CPEB3: variants seen among roughly 807,000 people sequenced by gnomAD.
CPEB3 encodes the protein cytoplasmic polyadenylation element-binding protein 3.
In CPEB3, 20 loss-of-function variants were observed where a neutral mutation model predicts 67.2. The ratio of observed to expected loss-of-function variants is 0.30; its 90% CI spans 0.21 to 0.43. The LOEUF is 0.43. Among genes scored for constraint, CPEB3 ranks in the 20% least tolerant of loss-of-function variants. The pLI, the probability that CPEB3 is intolerant of heterozygous loss-of-function variation, is 1.00. For synonymous variants in CPEB3, 376 were observed against 393.1 expected, an observed-to-expected ratio of 0.96 and a Z score of 0.51; for missense variants, 746 against 968.6, an observed-to-expected ratio of 0.77 and a Z score of 3.05.
chr10:92,047,479 A>G lies in CPEB3; in HGVS notation c.*4733T>C, dbSNP rs539425259. 2 of 152,348 alleles carry G rather than the reference A, an allele frequency of 1.3e-5. No homozygotes were observed. The highest frequency in any genetic ancestry group is 4.8e-5 in the African/African-American group (2 of 41,584). 9.4% of individuals were successfully genotyped at this position (152,348 alleles called of 1,614,324 possible). On this transcript the variant is annotated 3_prime_UTR_variant, in exon 10 of 10. Coordinates refer to ENST00000265997, the MANE Select transcript of CPEB3 (RefSeq NM_014912.5). The stretch of plus-strand genomic sequence containing the variant: ...GCCATTTTTGTTGCTAATATAATAG[A>G]TAAAATGAAAACTAGCAGTTATTTG...
intron 2 of CPEB3, among the ~76,000 whole-genome samples, chr10:92,235,083 T>C (rs1371110034): frequency 1.3e-5 from 2 of 152,134 alleles, no homozygotes; most frequent in Non-Finnish European, 2.9e-5. Context: ...CTCACATTAC[T>C]ACAATGGTCA....
chr10:92,160,159 C>A (rs1847401243), intron 4 of CPEB3, among the ~76,000 whole-genome samples: 1 of 152,056 alleles, frequency 6.6e-6, no homozygotes, highest in Admixed American at 6.6e-5. Context: ...GTTGGCCAGG[C>A]TGGTCTCGAA....
intron 6 of CPEB3, among the ~76,000 whole-genome samples, chr10:92,135,858 G>A (rs1047226587): frequency 3.3e-5 from 5 of 152,154 alleles, no homozygotes; most frequent in Admixed American, 3.3e-4. Context: ...CATGTCCTTT[G>A]TAGGGACATG....
chr10:92,182,208 C>T (rs2421831), intron 3 of CPEB3, among the ~76,000 whole-genome samples: 3 of 151,964 alleles, frequency 2.0e-5, no homozygotes, highest in Non-Finnish European at 4.4e-5. Flanking sequence ...CAGTATTTTG[C>T]GGAGAAAGTA....
chr10:92,253,480 A>AAAAAG (rs1368679060), intron 1 of CPEB3, among the ~76,000 whole-genome samples: 55 of 150,242 alleles, frequency 3.7e-4, no homozygotes, highest in African/African-American at 1.2e-3. Flanking sequence ...AAAAAAAAAA[A>AAAAAG]AAAAGAAAAG....
chr10:92,053,955 G>T (rs937251561), intron 9 of CPEB3, among the ~76,000 whole-genome samples: 2 of 152,172 alleles, frequency 1.3e-5, no homozygotes, highest in African/African-American at 4.8e-5. Flanking sequence ...CAAAGTACTG[G>T]GATTACAGGC....
intron 1 of CPEB3, among the ~76,000 whole-genome samples, chr10:92,262,214 C>CA (rs1458621353): frequency 6.6e-6 from 1 of 152,148 alleles, no homozygotes; most frequent in African/African-American, 2.4e-5. Flanking sequence ...ATCACGATAT[C>CA]ATCACAGTAA....
At chr10:92,110,133 C>G (rs886846427) in intron 7 of CPEB3, among the ~76,000 whole-genome samples, 3 of 152,172 alleles carry the variant, frequency 2.0e-5, no homozygotes, top group African/African-American at 7.2e-5. Flanking sequence ...AGTCAACACT[C>G]AAACTTCTAT....
At chr10:92,189,355 AAAG>A (rs1380546213) in intron 3 of CPEB3, among the ~76,000 whole-genome samples, 1 of 152,240 alleles carries the variant, frequency 6.6e-6, no homozygotes, top group Non-Finnish European at 1.5e-5. Flanking sequence ...GTCTAGTTGG[AAAG>A]AAGTCAGTAC....
At chr10:92,246,390 A>G (rs1352548053) in intron 1 of CPEB3, among the ~76,000 whole-genome samples, 1 of 152,142 alleles carries the variant, frequency 6.6e-6, no homozygotes, top group Non-Finnish European at 1.5e-5. Context: ...AATACCCTTC[A>G]TAACGTCCTT....
rs184618094 is a variant in CPEB3 at position 92,159,294 on chromosome 10, G to C, written c.1223-14209C>G. 2.8e-3 allele frequency among the ~76,000 whole-genome samples: 424 copies of C among 151,666 alleles called. 2 individuals are homozygous for C. Among genetic ancestry groups the C allele is most frequent in the Non-Finnish European group, 3.9e-3 (267 of 67,852 alleles). On this transcript the variant is annotated intron_variant, in intron 4 of 9. Coordinates refer to ENST00000265997, the MANE Select transcript of CPEB3 (RefSeq NM_014912.5). ...AATAAGTAAAAAAATAAATAAAACTGTGAAATGTCACACAACTAGCTTATA... is the reference window on the plus strand; with the variant it reads ...AATAAGTAAAAAAATAAATAAAACTCTGAAATGTCACACAACTAGCTTATA...
chr10:92,192,765 CT>C (rs1303634149), intron 2 of CPEB3, 129 bp from the exon 3 acceptor site: 5 of 582,498 alleles, frequency 8.6e-6, no homozygotes, highest in Non-Finnish European at 1.4e-5. Context: ...GCATACAGTC[CT>C]TCTTTTTATT....
chr10:92,216,644 T>C, intron 2 of CPEB3: 2 of 1,607,450 alleles, frequency 1.2e-6, no homozygotes, highest in South Asian at 1.1e-5. Flanking sequence ...AAATCTGCCC[T>C]ATGTCTATAT....
At chr10:92,105,715 G>GT (rs999673116) in intron 7 of CPEB3, among the ~76,000 whole-genome samples, 38,939 of 109,746 alleles carry the variant, frequency 0.35, 8,740 homozygotes, top group African/African-American at 0.49. Context: ...TGTTTTGTGG[G>GT]TTTTTTTTTT....
At chr10:92,088,926 A>T (rs1843494181) in intron 8 of CPEB3, among the ~76,000 whole-genome samples, 3 of 152,222 alleles carry the variant, frequency 2.0e-5, no homozygotes, top group Admixed American at 2.0e-4. Flanking sequence ...AAAGAATATA[A>T]TCTGGTCTCC....
chr10:92,168,361 C>T (rs1847841881), intron 4 of CPEB3, among the ~76,000 whole-genome samples: 1 of 152,046 alleles, frequency 6.6e-6, no homozygotes, highest in Non-Finnish European at 1.5e-5. Flanking sequence ...GCTAGAATAC[C>T]TTAATAAAGA....
chr10:92,240,444 C>A (rs1851793328), intron 1 of CPEB3, 83 bp from the exon 2 acceptor site: 3 of 1,313,610 alleles, frequency 2.3e-6, no homozygotes, highest in Non-Finnish European at 3.0e-6. Context: ...GTTTCACTTG[C>A]GAAAATCCAT....
At chr10:92,212,148 C>T (rs541322149) in intron 2 of CPEB3, among the ~76,000 whole-genome samples, 105 of 147,388 alleles carry the variant, frequency 7.1e-4, no homozygotes, top group Non-Finnish European at 1.2e-3. Context: ...CCCAAAGTGC[C>T]AGGATTATAG....
intron 5 of CPEB3, among the ~76,000 whole-genome samples, chr10:92,143,352 T>G (rs1337812268): frequency 6.6e-6 from 1 of 152,228 alleles, no homozygotes; most frequent in African/African-American, 2.4e-5. Context: ...TTCCTTTCAC[T>G]GCCAATAAAC....
Sources: allele counts gnomAD v4.1 joint callset (sites outside exome capture counted in the v4.1 genomes callset), GRCh38; gene constraint gnomAD v4.1.1; transcripts MANE v1.5; gene names NCBI Gene and HGNC (gene_info 2026-07-23, HGNC 2026-07-21).